ERI1: variants seen among roughly 807,000 people sequenced by gnomAD.
ERI1 encodes 3'-5' exoribonuclease 1.
ERI1 carries 39 observed loss-of-function variants against 39.7 expected under a neutral mutation model. The ratio of observed to expected loss-of-function variants is 0.98; its 90% confidence interval spans 0.76 to 1.28. The LOEUF (loss-of-function observed/expected upper bound fraction) is 1.28. Among genes scored for constraint, ERI1 ranks in the 50% most tolerant of loss-of-function variants. ERI1 has a pLI of 0.00. For synonymous variants in ERI1, 204 were observed against 149.6 expected (o/e 1.36, Z -2.65); for missense variants, 581 against 416.9 (o/e 1.39, Z -3.43).
At chr8:9,041,547 C>G (rs983270334) in intron 3 of ERI1, among the ~76,000 whole-genome samples, 1 of 152,154 alleles carries the variant, frequency 6.6e-6, no homozygotes, top group Non-Finnish European at 1.5e-5. Flanking sequence ...CAAAACTAAA[C>G]AAACACGTGC....
chr8:9,015,312 C>T (rs1418663312), intron 3 of ERI1, among the ~76,000 whole-genome samples: 7 of 152,120 alleles, frequency 4.6e-5, no homozygotes, highest in Non-Finnish European at 1.0e-4. Flanking sequence ...TTCTCTATAT[C>T]TACTACCTAG....
At chr8:9,082,199 G>A (rs1185661281) in intron 3 of ERI1, among the ~76,000 whole-genome samples, 2 of 152,196 alleles carry the variant, frequency 1.3e-5, no homozygotes, top group African/African-American at 4.8e-5. Flanking sequence ...AAGGAGAATG[G>A]AGACCCTCAC....
chr8:9,012,625 C>G (rs1407524298), intron 3 of ERI1, among the ~76,000 whole-genome samples: 1 of 152,174 alleles, frequency 6.6e-6, no homozygotes, highest in Admixed American at 6.5e-5. Flanking sequence ...GCTATGAAGG[C>G]AAATAATCTT....
intron 3 of ERI1, among the ~76,000 whole-genome samples, chr8:9,015,078 C>T (rs1817085563): frequency 6.6e-6 from 1 of 152,020 alleles, no homozygotes; most frequent in African/African-American, 2.4e-5. Flanking sequence ...CTCAAGTAAT[C>T]CACCCCCCTT....
intron 1 of ERI1, among the ~76,000 whole-genome samples, chr8:9,005,514 GTTTTTTT>G (rs60847461): frequency 7.6e-6 from 1 of 130,820 alleles, no homozygotes; most frequent in Non-Finnish European, 1.7e-5. Context: ...GTTTTTTTAT[GTTTTTTT>G]TTTTTTTTTT....
intron 1 of ERI1, chr8:9,004,304 G>A (rs921519520): frequency 4.5e-6 from 5 of 1,111,492 alleles, no homozygotes; most frequent in Non-Finnish European, 4.4e-6. Context: ...CCTGTAAGTG[G>A]GTTTTAAAAT....
rs565383860 is a variant in ERI1 at position 9,004,130 on chromosome 8, C to G, written c.108+959C>G. On this transcript the variant is annotated intron_variant, in intron 1 of 6. Transcript: ENST00000250263. ...GGAAAGAAGGTCTCGTTAAGGATCT[C>G]TGTATGTTCCTTTTGCCCTGTGTGC... The G allele has an allele frequency of 1.4e-3, 1,848 of 1,289,330 alleles. 3 individuals carry two copies. Among genetic ancestry groups the G allele is most frequent in the Non-Finnish European group, 1.7e-3 (1,647 of 988,844 alleles). 79.9% of individuals were successfully genotyped at this position (1,289,330 alleles called of 1,614,324 possible). A position where few individuals can be genotyped will look rare whatever the true frequency, so the allele number is the denominator to read the frequency against.
intron 3 of ERI1, among the ~76,000 whole-genome samples, chr8:9,038,664 G>A (rs1456923720): frequency 6.6e-6 from 1 of 152,172 alleles, no homozygotes; most frequent in Non-Finnish European, 1.5e-5. Context: ...GGCTGACTTG[G>A]GAGGATTGCT....
At chr8:9,045,979 A>G (rs962983604) in intron 3 of ERI1, among the ~76,000 whole-genome samples, 2 of 152,162 alleles carry the variant, frequency 1.3e-5, no homozygotes, top group African/African-American at 2.4e-5. Flanking sequence ...GCACGTGGCC[A>G]TATCTATAGA....
chr8:9,028,373 T>A (rs1797333343), intron 6 of ERI1, among the ~76,000 whole-genome samples: 1 of 152,218 alleles, frequency 6.6e-6, no homozygotes, highest in Non-Finnish European at 1.5e-5. Flanking sequence ...TTTTTAGAAG[T>A]GCGTTTTCCA....
chr8:9,025,846 T>G (rs527415131), intron 6 of ERI1, among the ~76,000 whole-genome samples: 128 of 152,240 alleles, frequency 8.4e-4, no homozygotes, highest in African/African-American at 2.9e-3. Context: ...CATAATGAGA[T>G]ACCTTAGAGA....
intron 3 of ERI1, among the ~76,000 whole-genome samples, chr8:9,064,486 G>A (rs1021596565): frequency 1.4e-5 from 2 of 139,428 alleles, no homozygotes; most frequent in South Asian, 5.3e-4. Flanking sequence ...GGAGTTTTGG[G>A]TCCACGGATA....
At chr8:9,016,754 C>T (rs1282196369) in intron 4 of ERI1, among the ~76,000 whole-genome samples, 3 of 152,090 alleles carry the variant, frequency 2.0e-5, no homozygotes, top group Non-Finnish European at 2.9e-5. Context: ...GGCGTGACCT[C>T]GGCTCACTGC....
chr8:9,064,180 C>T (rs942389745), intron 3 of ERI1, among the ~76,000 whole-genome samples: 4 of 147,982 alleles, frequency 2.7e-5, no homozygotes, highest in Admixed American at 1.4e-4. Flanking sequence ...AATAAGGGAT[C>T]GGGGGGTTCT....
downstream of ERI1, among the ~76,000 whole-genome samples, chr8:9,036,896 G>T (rs577997541): frequency 4.6e-5 from 7 of 152,070 alleles, no homozygotes; most frequent in African/African-American, 1.7e-4. Context: ...ATTTTTGTCA[G>T]TGGGACCATG....
chr8:9,059,927 C>G (rs139747432), intron 3 of ERI1, among the ~76,000 whole-genome samples: 2,213 of 152,222 alleles, frequency 0.015, 49 homozygotes, highest in South Asian at 0.1. Context: ...TGGAATGAGA[C>G]TGGGGCTTAA....
chr8:9,098,834 T>TTTTG (rs369343451), intron 3 of ERI1, among the ~76,000 whole-genome samples: 3 of 152,162 alleles, frequency 2.0e-5, no homozygotes, highest in Admixed American at 6.5e-5. Context: ...TTGGTAAGTT[T>TTTTG]TTTGTTTGTT....
intron 6 of ERI1, among the ~76,000 whole-genome samples, chr8:9,028,822 C>T (rs1050612151): frequency 1.3e-5 from 2 of 151,934 alleles, no homozygotes; most frequent in African/African-American, 2.4e-5. Context: ...TGGGGTTTCA[C>T]CATGTTGGCC....
In ERI1 at chr8:9,015,775, A is replaced by G. The variant is rs79256858; in HGVS notation, c.499-547A>G. On this transcript the variant is annotated intron_variant, in intron 3 of 6. Transcript: ENST00000250263. ...CGTGAAAGCTTCTTGAAAAGATTCA[A>G]CATTACTGTAGATACACAGTGTTAG... 1.1e-3 allele frequency among the ~76,000 whole-genome samples: 165 copies of G among 151,538 alleles called. 2 individuals are homozygous for G. In the East Asian group the frequency reaches 0.012, roughly 11 times the overall value.
Sources: allele counts gnomAD v4.1 joint callset (sites outside exome capture counted in the v4.1 genomes callset), GRCh38; gene constraint gnomAD v4.1.1; transcripts MANE v1.5; gene names NCBI Gene and HGNC (gene_info 2026-07-23, HGNC 2026-07-21).